Variants in RASGRP1 observed in about 807,000 individuals in gnomAD.
The protein encoded by RASGRP1 is RAS guanyl-releasing protein 1.
In RASGRP1, 37 loss-of-function variants were observed where a neutral mutation model predicts 95.1. The observed-to-expected ratio is 0.39, with a 90% CI of 0.30 to 0.51. The LOEUF (loss-of-function observed/expected upper bound fraction) is 0.51. Ranked by LOEUF, RASGRP1 falls within the 20% of genes least tolerant of loss-of-function variation. RASGRP1 has a pLI of 0.80. For synonymous variants in RASGRP1, 325 were observed against 353.4 expected (o/e 0.92, Z 0.90); for missense variants, 711 against 965.4 (o/e 0.74, Z 3.49).
chr15:38,519,122 G>GA (rs35524170), intron 4 of RASGRP1, among the ~76,000 whole-genome samples, 187 bp downstream of exon 4: 1 of 152,104 alleles, frequency 6.6e-6, no homozygotes, highest in South Asian at 2.1e-4. Flanking sequence ...ACCAAAGACT[G>GA]AAAAAAGGTT....
chr15:38,520,640 C>T (rs150210559), intron 3 of RASGRP1, among the ~76,000 whole-genome samples: 1,704 of 152,194 alleles, frequency 0.011, 19 homozygotes, highest in Non-Finnish European at 0.019. Flanking sequence ...GATAGCTTTA[C>T]TGTTTATAAA....
chr15:38,551,901 G>A (rs1256374565), intron 2 of RASGRP1, among the ~76,000 whole-genome samples: 1 of 152,124 alleles, frequency 6.6e-6, no homozygotes, highest in Non-Finnish European at 1.5e-5. Context: ...CTCAACAAAA[G>A]CTTGGTTATA....
At chr15:38,501,530 CCTAA>C (rs1161971976) in intron 12 of RASGRP1, 1 of 632,672 alleles carries the variant, frequency 1.6e-6, no homozygotes, top group South Asian at 1.5e-5. Context: ...ACTAGGTTTC[CCTAA>C]CTAACTTGAC....
chr15:38,498,852 G>T lies in RASGRP1; in HGVS notation c.1815C>A (p.Asn605Lys). The T allele has an allele frequency of 6.2e-7, 1 of 1,613,882 alleles. No individual in the cohort carries two copies. ...AKNPVAPTEN[N>K]TSVGPVSNLC... ...GGTTGGACACTGGCCCCACAGAAGT[G>T]TTGTTCTCTGTGGGAGCTACTGGGT... Residue 605 changes from asparagine (N) to lysine (K), a missense_variant, in exon 15 of 17, where the codon AAC (asparagine) becomes AAA (lysine). Coordinates refer to ENST00000310803, the MANE Select transcript of RASGRP1 (RefSeq NM_005739.4).
intron 2 of RASGRP1, among the ~76,000 whole-genome samples, chr15:38,558,795 T>C (rs1158761011): frequency 6.6e-6 from 1 of 152,212 alleles, no homozygotes; most frequent in East Asian, 1.9e-4. Context: ...GTCAAGTATT[T>C]CCCAATTCTA....
chr15:38,502,618 G>T (rs550464684), intron 11 of RASGRP1, among the ~76,000 whole-genome samples, 197 bp from the exon 12 acceptor site: 3 of 152,154 alleles, frequency 2.0e-5, no homozygotes, highest in Admixed American at 1.3e-4. Context: ...AGCAGCATGT[G>T]GGGGGTGGCC....
At chr15:38,495,262 C>T (rs1890754548) in intron 15 of RASGRP1, among the ~76,000 whole-genome samples, 1 of 152,110 alleles carries the variant, frequency 6.6e-6, no homozygotes, top group African/African-American at 2.4e-5. Flanking sequence ...GAAGTTTTAG[C>T]TTTGTGGAAA....
chr15:38,508,082 C>CTAAGATAATGATAGCTTTA, intron 8 of RASGRP1, 81 bp from the exon 9 acceptor site: 1 of 1,457,472 alleles, frequency 6.9e-7, no homozygotes, highest in Non-Finnish European at 9.2e-7. Context: ...ATGTTTGCAT[C>CTAAGATAATGATAGCTTTA]CTGTGCCATG....
Position 38,490,477 on chromosome 15 carries a change from T to A in RASGRP1, c.*77A>T. On this transcript the variant is annotated 3_prime_UTR_variant, in exon 17 of 17. Coordinates refer to ENST00000310803, the MANE Select transcript of RASGRP1 (RefSeq NM_005739.4). The stretch of plus-strand genomic sequence containing the variant: ...GTTTTAAAGCTGGTCAGTGTAAAGT[T>A]CCTCAGGTCTGTGCATTACAGTTTA... The A allele has an allele frequency of 6.9e-7, 1 of 1,444,212 alleles. No individual in the cohort carries two copies. The allele number at this position is 1,444,212 out of a possible 1,614,324, so 89.5% of individuals were successfully genotyped here. A position where few individuals can be genotyped will look rare whatever the true frequency, so the allele number is the denominator to read the frequency against.
intron 2 of RASGRP1, among the ~76,000 whole-genome samples, chr15:38,529,364 A>G (rs1431403069): frequency 3.3e-5 from 5 of 152,088 alleles, no homozygotes; most frequent in African/African-American, 1.2e-4. Flanking sequence ...TTCATACCAC[A>G]TTGCTCCTCT....
At chr15:38,541,369 T>TC (rs1892851029) in intron 2 of RASGRP1, among the ~76,000 whole-genome samples, 1 of 152,046 alleles carries the variant, frequency 6.6e-6, no homozygotes, top group African/African-American at 2.4e-5. Context: ...GGCGGGAGGA[T>TC]CACCTGAGCT....
intron 13 of RASGRP1, among the ~76,000 whole-genome samples, chr15:38,500,641 T>G (rs1016653110): frequency 6.6e-6 from 1 of 152,112 alleles, no homozygotes; most frequent in African/African-American, 2.4e-5. Flanking sequence ...CCACCACACC[T>G]GGCTCTCACT....
At chr15:38,520,945 T>C (rs1487183647) in intron 3 of RASGRP1, among the ~76,000 whole-genome samples, 2 of 152,148 alleles carry the variant, frequency 1.3e-5, no homozygotes, top group South Asian at 2.1e-4. Context: ...AAAATTAAAT[T>C]TTAATACATA....
intron 5 of RASGRP1, among the ~76,000 whole-genome samples, 171 bp from the exon 6 acceptor site, chr15:38,516,521 A>G (rs1178209667): frequency 6.6e-6 from 1 of 152,094 alleles, no homozygotes; most frequent in African/African-American, 2.4e-5. Context: ...GTTTTTTTCC[A>G]TGGCAGCCTC....
chr15:38,508,052 G>C (rs555268426), intron 8 of RASGRP1, 51 bp from the exon 9 acceptor site: 38 of 1,538,510 alleles, frequency 2.5e-5, no homozygotes, highest in Non-Finnish European at 3.2e-5. Flanking sequence ...AGTGTGCATT[G>C]TCTGTAATGA....
chr15:38,497,971 T>C (rs1013060396), intron 15 of RASGRP1, among the ~76,000 whole-genome samples: 9 of 152,160 alleles, frequency 5.9e-5, no homozygotes, highest in African/African-American at 2.2e-4. Context: ...ATTTTGACAA[T>C]TACCTGCTAC....
Position 38,503,483 on chromosome 15 carries a change from A to G in RASGRP1, c.1324-107T>C, listed in dbSNP as rs747807031. The G allele has an allele frequency of 6.7e-5, 60 of 897,206 alleles. 1 individual carries two copies. Among genetic ancestry groups the G allele is most frequent in the African/African-American group, 3.0e-4 (18 of 59,328 alleles). The allele number at this position is 897,206 out of a possible 1,614,324, so 55.6% of individuals were successfully genotyped here. Reference sequence around the variant, plus strand: ...CGGTTACATTTATGGACAATCTTCAATTATGTTCAGTGGCAAGGAGCAGAG... The same window carrying G: ...CGGTTACATTTATGGACAATCTTCAGTTATGTTCAGTGGCAAGGAGCAGAG... On this transcript the variant is annotated intron_variant, in intron 10 of 16. Transcript: ENST00000310803.
chr15:38,545,482 A>G (rs1893071009), intron 2 of RASGRP1, among the ~76,000 whole-genome samples: 1 of 151,690 alleles, frequency 6.6e-6, no homozygotes, highest in African/African-American at 2.4e-5. Flanking sequence ...GCCACAGTCA[A>G]TTCATTCAAG....
chr15:38,501,383 T>G (rs778536368), intron 12 of RASGRP1, 96 bp from the exon 13 acceptor site: 1 of 1,397,956 alleles, frequency 7.2e-7, no homozygotes, highest in Non-Finnish European at 1.0e-6. Flanking sequence ...ACCTTTCTTT[T>G]TATCCTCAGT....
Sources: allele counts gnomAD v4.1 joint callset (sites outside exome capture counted in the v4.1 genomes callset), GRCh38; gene constraint gnomAD v4.1.1; transcripts MANE v1.5; gene names NCBI Gene and HGNC (gene_info 2026-07-23, HGNC 2026-07-21).